Variants in TENM2 observed in about 807,000 individuals in gnomAD.
TENM2 encodes the protein teneurin transmembrane protein 2.
In TENM2, 52 loss-of-function variants were observed where a neutral mutation model predicts 245.2. That is an observed-to-expected ratio of 0.21 (90% CI 0.17 to 0.27). TENM2 has a LOEUF of 0.27. Ranked by LOEUF, TENM2 falls within the 10% of genes least tolerant of loss-of-function variation. The pLI is 1.00. For synonymous variants in TENM2, 1,363 were observed against 1,438.9 expected (o/e 0.95, Z 1.19); for missense variants, 3,046 against 3,666.8 (o/e 0.83, Z 4.37).
the TENM2 span, among the ~76,000 whole-genome samples, chr5:167,120,634 T>G: frequency 6.6e-6 from 1 of 152,230 alleles, no homozygotes; most frequent in Non-Finnish European, 1.5e-5. Flanking sequence ...GTCTGATGCA[T>G]GGACCTAATA....
chr5:167,385,349 TTA>T (rs1761353951), intron 2 of TENM2, among the ~76,000 whole-genome samples: 1 of 151,542 alleles, frequency 6.6e-6, no homozygotes, highest in African/African-American at 2.4e-5. Context: ...TCTCATTTTT[TTA>T]ATCAGACTTG....
intron 1 of TENM2, among the ~76,000 whole-genome samples, chr5:167,363,158 A>G (rs994017714): frequency 6.6e-6 from 1 of 152,218 alleles, no homozygotes; most frequent in African/African-American, 2.4e-5. Flanking sequence ...CAGAAATCTG[A>G]GCATTGAATT....
At chr5:167,075,640 C>T in the TENM2 span, among the ~76,000 whole-genome samples, 5 of 152,148 alleles carry the variant, frequency 3.3e-5, no homozygotes, top group African/African-American at 4.8e-5. Context: ...TCTTTCATAA[C>T]GTGTTGCCGT....
At chr5:168,231,705 G>T (rs936747794) in intron 25 of TENM2, among the ~76,000 whole-genome samples, 3 of 150,376 alleles carry the variant, frequency 2.0e-5, no homozygotes, top group Non-Finnish European at 3.0e-5. Flanking sequence ...TTCAAGACAA[G>T]ACCAGCCTAG....
intron 1 of TENM2, among the ~76,000 whole-genome samples, chr5:167,354,497 C>T (rs1759181849): frequency 6.6e-6 from 1 of 152,158 alleles, no homozygotes. Flanking sequence ...CACCCCCTCC[C>T]CTAAACCCTC....
chr5:167,742,577 G>C (rs955587577), intron 2 of TENM2, among the ~76,000 whole-genome samples: 1 of 152,036 alleles, frequency 6.6e-6, no homozygotes, highest in Non-Finnish European at 1.5e-5. Context: ...CTTTTGTTGA[G>C]TAAACTAGGG....
intron 2 of TENM2, among the ~76,000 whole-genome samples, chr5:167,806,264 T>A (rs1006780685): frequency 6.6e-6 from 1 of 152,130 alleles, no homozygotes; most frequent in African/African-American, 2.4e-5. Context: ...CATTTTTCAA[T>A]CTCCTCACTA....
chr5:167,321,800 T>TTTTTTTTG (rs1467480814), intron 1 of TENM2, among the ~76,000 whole-genome samples: 950 of 12,174 alleles, frequency 0.078, 189 homozygotes, highest in Non-Finnish European at 0.1. Flanking sequence ...TTTTTTTTTT[T>TTTTTTTTG]TGGGGGGGGG....
At chr5:167,875,936 C>A in intron 2 of TENM2, 50 bp from the exon 5 acceptor site, 1 of 1,291,402 alleles carries the variant, frequency 7.7e-7, no homozygotes, top group Non-Finnish European at 1.1e-6. Context: ...TCTTGGGGTG[C>A]TCTCGTGACA....
chr5:168,201,650 A>G (rs1761952752), intron 17 of TENM2, among the ~76,000 whole-genome samples: 1 of 152,188 alleles, frequency 6.6e-6, no homozygotes, highest in Non-Finnish European at 1.5e-5. Flanking sequence ...ATCATTGTTC[A>G]GTATTTCAAT....
intron 19 of TENM2, 106 bp downstream of exon 21, chr5:168,204,727 G>A (rs1169778056): frequency 1.4e-6 from 2 of 1,420,638 alleles, no homozygotes; most frequent in East Asian, 2.3e-5. Context: ...AGAAGATATA[G>A]TCCTTGTGAT....
At chr5:167,571,932 T>C (rs1774291038) in intron 2 of TENM2, among the ~76,000 whole-genome samples, 1 of 152,206 alleles carries the variant, frequency 6.6e-6, no homozygotes, top group Non-Finnish European at 1.5e-5. Context: ...CGCAGAGATT[T>C]CCGGATTTCC....
intron 2 of TENM2, among the ~76,000 whole-genome samples, chr5:167,648,928 G>A (rs924379113): frequency 1.3e-5 from 2 of 152,168 alleles, no homozygotes; most frequent in African/African-American, 4.8e-5. Context: ...CCCCTCCCTA[G>A]TAGCGGCCCA....
chr5:167,312,844 AC>A (rs1432372959), intron 1 of TENM2, among the ~76,000 whole-genome samples: 1 of 150,166 alleles, frequency 6.7e-6, no homozygotes, highest in African/African-American at 2.5e-5. Flanking sequence ...TCCAGACCGG[AC>A]CCTGGCAAAG....
intron 2 of TENM2, among the ~76,000 whole-genome samples, chr5:167,427,049 G>T (rs533885577): frequency 6.6e-6 from 1 of 152,010 alleles, no homozygotes; most frequent in South Asian, 2.1e-4. Context: ...GCCTTCGTGT[G>T]TTCAGTTTTT....
At chr5:168,021,468 T>C (rs764807974) in intron 5 of TENM2, among the ~76,000 whole-genome samples, 1 of 152,236 alleles carries the variant, frequency 6.6e-6, no homozygotes, top group Non-Finnish European at 1.5e-5. Flanking sequence ...GTCACTGGGT[T>C]CTTGAAACCC....
chr5:167,322,356 A>T lies in TENM2; in HGVS notation c.226+37293A>T, dbSNP rs1282636086. Reference sequence around the variant, plus strand: ...TGTATTCTGGCCCTGTTAGCCACCCATACCGTGGAGAGAGAATCTCTGCAT... The same window carrying T: ...TGTATTCTGGCCCTGTTAGCCACCCTTACCGTGGAGAGAGAATCTCTGCAT... On this transcript the variant is annotated intron_variant, in intron 1 of 28. Coordinates refer to ENST00000518659, the Ensembl canonical transcript of TENM2. 2.6e-5 allele frequency among the ~76,000 whole-genome samples: 4 copies of T among 152,122 alleles called. No individual in the cohort carries two copies. The East Asian group carries it at 5.8e-4, about 22-fold the overall frequency.
the TENM2 span, among the ~76,000 whole-genome samples, chr5:167,263,965 T>G: frequency 6.6e-6 from 1 of 151,710 alleles, no homozygotes; most frequent in East Asian, 1.9e-4. Context: ...ATTAGTTGGG[T>G]GTAGTGGCAG....
intron 13 of TENM2, among the ~76,000 whole-genome samples, chr5:168,189,115 T>C (rs993355635): frequency 6.6e-6 from 1 of 152,162 alleles, no homozygotes; most frequent in Non-Finnish European, 1.5e-5. Context: ...CTCTGGGGTC[T>C]CATTTATAAG....
Sources: allele counts gnomAD v4.1 joint callset (sites outside exome capture counted in the v4.1 genomes callset), GRCh38; gene constraint gnomAD v4.1.1; transcripts MANE v1.5; gene names NCBI Gene and HGNC (gene_info 2026-07-23, HGNC 2026-07-21).